Variants in LRP1B observed in about 807,000 individuals in gnomAD.
LRP1B encodes the protein low-density lipoprotein receptor-related protein 1B.
LRP1B carries 217 observed loss-of-function variants against 556.6 expected under a neutral mutation model. The observed-to-expected ratio is 0.39, with a 90% CI of 0.35 to 0.44. The LOEUF is 0.44. Among genes scored for constraint, LRP1B ranks in the 20% least tolerant of loss-of-function variants. The pLI, the probability that LRP1B is intolerant of heterozygous loss-of-function variation, is 1.00. For missense variants in LRP1B, 5,053 were observed against 5,620.8 expected (o/e 0.90, Z 3.23); for synonymous variants, 2,047 against 1,865.8 (o/e 1.10, Z -2.50).
intron 1 of LRP1B, among the ~76,000 whole-genome samples, chr2:141,836,365 T>C (rs750227881): frequency 2.6e-5 from 4 of 152,046 alleles, no homozygotes; most frequent in Admixed American, 6.6e-5. Flanking sequence ...ATTTTGCTTT[T>C]CCACCATATA....
chr2:141,133,124 C>T (rs1178927147), intron 7 of LRP1B, among the ~76,000 whole-genome samples: 1 of 151,904 alleles, frequency 6.6e-6, no homozygotes, highest in African/African-American at 2.4e-5. Flanking sequence ...CTAGCCAGAA[C>T]AAATTGATGC....
chr2:141,175,134 G>A (rs188639025), intron 7 of LRP1B, among the ~76,000 whole-genome samples: 5 of 152,220 alleles, frequency 3.3e-5, no homozygotes, highest in African/African-American at 1.2e-4. Flanking sequence ...GTTTGTATGT[G>A]TGAACAATGA....
intron 2 of LRP1B, among the ~76,000 whole-genome samples, chr2:141,698,145 A>G (rs181726333): frequency 1.3e-5 from 2 of 151,992 alleles, no homozygotes; most frequent in East Asian, 3.9e-4. Context: ...GCACATTTAA[A>G]CTTTTTTTGG....
intron 43 of LRP1B, among the ~76,000 whole-genome samples, chr2:140,588,061 T>C (rs1682058610): frequency 6.6e-6 from 1 of 151,962 alleles, no homozygotes; most frequent in Non-Finnish European, 1.5e-5. Flanking sequence ...CCACAACAGA[T>C]GGCAAAGAAT....
chr2:141,033,007 G>A (rs756715660), intron 11 of LRP1B, among the ~76,000 whole-genome samples: 2 of 151,882 alleles, frequency 1.3e-5, no homozygotes, highest in Admixed American at 6.6e-5. Flanking sequence ...CAGCAACAGG[G>A]GATGGGGCTG....
At chr2:141,812,572 A>T (rs1346202783) in intron 1 of LRP1B, among the ~76,000 whole-genome samples, 1 of 152,106 alleles carries the variant, frequency 6.6e-6, no homozygotes, top group Non-Finnish European at 1.5e-5. Context: ...AGTAAAGAAG[A>T]CCATAAAAAT....
chr2:141,014,730 G>A lies in LRP1B; in HGVS notation c.2190+966C>T, dbSNP rs573595583. Among the ~76,000 whole-genome samples, 21 of 152,096 alleles carry A rather than the reference G, an allele frequency of 1.4e-4. No homozygotes were observed. The South Asian group carries it at 3.7e-3, about 27-fold the overall frequency. The stretch of plus-strand genomic sequence containing the variant: ...AGGCCAAAATGTGCTGGCCATGAAA[G>A]TATTATGTTTATTGTTTACATACCA... On this transcript the variant is annotated intron_variant, in intron 13 of 90. Coordinates refer to ENST00000389484, the MANE Select transcript of LRP1B (RefSeq NM_018557.3).
At chr2:140,272,946 G>A (rs1449698124) in intron 85 of LRP1B, among the ~76,000 whole-genome samples, 1 of 151,818 alleles carries the variant, frequency 6.6e-6, no homozygotes, top group Admixed American at 6.6e-5. Flanking sequence ...CACCTCAATA[G>A]CCTGCTCATT....
At chr2:141,815,760 C>G (rs1443766568) in intron 1 of LRP1B, among the ~76,000 whole-genome samples, 1 of 152,200 alleles carries the variant, frequency 6.6e-6, no homozygotes, top group East Asian at 1.9e-4. Context: ...GCTGTGGAAG[C>G]TTTGTGCTTT....
intron 2 of LRP1B, among the ~76,000 whole-genome samples, chr2:141,686,078 T>C (rs1264355943): frequency 6.6e-6 from 1 of 152,034 alleles, no homozygotes; most frequent in African/African-American, 2.4e-5. Flanking sequence ...TCAATGTTCA[T>C]ATTAAATTTT....
chr2:141,530,461 T>C (rs984866892), intron 2 of LRP1B, among the ~76,000 whole-genome samples: 5 of 152,122 alleles, frequency 3.3e-5, no homozygotes, highest in Non-Finnish European at 7.4e-5. Context: ...ATGTATTCAT[T>C]CTTCATTTAT....
intron 41 of LRP1B, among the ~76,000 whole-genome samples, chr2:140,692,897 AT>A (rs1240459791): frequency 6.6e-6 from 1 of 152,158 alleles, no homozygotes; most frequent in Non-Finnish European, 1.5e-5. Flanking sequence ...ATTCTTTGAT[AT>A]TAAAAAGCTC....
chr2:141,789,095 T>C (rs1695521731), intron 2 of LRP1B, among the ~76,000 whole-genome samples: 1 of 152,044 alleles, frequency 6.6e-6, no homozygotes, highest in South Asian at 2.1e-4. Flanking sequence ...TCTAGATCCC[T>C]GAGGAATCGC....
intron 3 of LRP1B, among the ~76,000 whole-genome samples, chr2:141,454,745 A>C (rs1313545848): frequency 6.6e-6 from 1 of 152,140 alleles, no homozygotes; most frequent in Non-Finnish European, 1.5e-5. Flanking sequence ...AACTTTTCCT[A>C]GTTTGAGTTT....
At chr2:141,214,137 C>A (rs1682684332) in intron 6 of LRP1B, among the ~76,000 whole-genome samples, 1 of 152,116 alleles carries the variant, frequency 6.6e-6, no homozygotes. Context: ...TGACTGTATT[C>A]TTTTTACAAA....
At chr2:141,224,821 G>T (rs2105284026) in intron 6 of LRP1B, among the ~76,000 whole-genome samples, 1 of 151,878 alleles carries the variant, frequency 6.6e-6, no homozygotes, top group Non-Finnish European at 1.5e-5. Flanking sequence ...TGTCATGGGG[G>T]TGGGGTGGGG....
intron 5 of LRP1B, among the ~76,000 whole-genome samples, chr2:141,240,877 T>A (rs1683843437): frequency 6.6e-6 from 1 of 152,082 alleles, no homozygotes; most frequent in Non-Finnish European, 1.5e-5. Context: ...TGTCTCATAT[T>A]TTCTTAGACT....
chr2:140,353,074 T>C lies in LRP1B; in HGVS notation c.11531-2A>G. 1 of 1,612,686 alleles carries C rather than the reference T, an allele frequency of 6.2e-7. No individual in the cohort carries two copies. The highest frequency in any genetic ancestry group is 8.5e-7 in the Non-Finnish European group (1 of 1,179,294). ...CAAACACCAAACATTCATTAAGGTC[T>C]AGAAAAGAAGAGCTCAAAATAGCAT... On this transcript the variant is annotated splice_acceptor_variant, in intron 75 of 90. Coordinates refer to ENST00000389484, the MANE Select transcript of LRP1B (RefSeq NM_018557.3). LOFTEE classifies it high-confidence loss of function.
At chr2:141,211,116 T>C (rs1682522664) in intron 6 of LRP1B, among the ~76,000 whole-genome samples, 1 of 151,734 alleles carries the variant, frequency 6.6e-6, no homozygotes, top group Non-Finnish European at 1.5e-5. Context: ...GCTTCCCGAG[T>C]AGCTGGGATT....
Sources: allele counts gnomAD v4.1 joint callset (sites outside exome capture counted in the v4.1 genomes callset), GRCh38; gene constraint gnomAD v4.1.1; transcripts MANE v1.5; gene names NCBI Gene and HGNC (gene_info 2026-07-23, HGNC 2026-07-21).